AFAP1L2: variants seen among roughly 807,000 people sequenced by gnomAD.
AFAP1L2 encodes actin filament-associated protein 1-like 2.
AFAP1L2 carries 46 observed loss-of-function variants against 99.3 expected under a neutral mutation model. The ratio of observed to expected loss-of-function variants is 0.46; its 90% CI spans 0.37 to 0.59. AFAP1L2 has a LOEUF of 0.59. Among genes scored for constraint, AFAP1L2 ranks in the 20% least tolerant of loss-of-function variants. The pLI is 0.00. For missense variants in AFAP1L2, 959 were observed against 1,034.9 expected, an observed-to-expected ratio of 0.93 and a Z score of 1.01; for synonymous variants, 397 against 419.1, an observed-to-expected ratio of 0.95 and a Z score of 0.64.
chr10:114,404,469 T>G lies in AFAP1L2; in HGVS notation c.-14A>C. The G allele has an allele frequency of 3.3e-6, 5 of 1,537,772 alleles. No homozygotes were observed. In the South Asian group the frequency reaches 6.0e-5, roughly 18 times the overall value. The stretch of plus-strand genomic sequence containing the variant: ...GTACCGCTCCATCGGGGCCACGGAG[T>G]GCGCTCCTCGCGGCTCGGCTTCTGC... On this transcript the variant is annotated 5_prime_UTR_variant, in exon 1 of 19. Coordinates refer to ENST00000304129, the MANE Select transcript of AFAP1L2 (RefSeq NM_001001936.3).
the AFAP1L2 span, chr10:114,285,114 T>C: frequency 6.6e-6 from 4 of 610,030 alleles, no homozygotes; most frequent in Non-Finnish European, 1.1e-5. Flanking sequence ...GGTCTGCAGT[T>C]CACGTGGTGC....
At chr10:114,403,335 A>G (rs774640992) in intron 1 of AFAP1L2, among the ~76,000 whole-genome samples, 2 of 152,206 alleles carry the variant, frequency 1.3e-5, no homozygotes, top group Non-Finnish European at 2.9e-5. Context: ...AGTGAAAGAC[A>G]AGACTACTTT....
chr10:114,315,792 G>C, intron 5 of AFAP1L2, 27 bp from the exon 6 acceptor site: 2 of 1,588,182 alleles, frequency 1.3e-6, no homozygotes, highest in Non-Finnish European at 8.6e-7. Flanking sequence ...CTCGGTCAGG[G>C]CCCCATGGGG....
intron 12 of AFAP1L2, chr10:114,302,082 G>A (rs758407025): frequency 4.4e-5 from 21 of 481,526 alleles, no homozygotes; most frequent in Non-Finnish European, 4.9e-5. Flanking sequence ...TGGAGGAGCT[G>A]GAGAGTCTAA....
the AFAP1L2 span, among the ~76,000 whole-genome samples, chr10:114,284,549 C>T: frequency 1.3e-5 from 2 of 152,212 alleles, no homozygotes; most frequent in African/African-American, 4.8e-5. Context: ...GCAGCTCTCT[C>T]TCAGTCTTGA....
Position 114,340,293 on chromosome 10 carries a change from C to A in AFAP1L2, c.145+310G>T, listed in dbSNP as rs553822747. ...CATGATCGCGCCACTGCACTCCAGA[C>A]TGGGTGACAGAGTGAGCCCCTGCTT... On this transcript the variant is annotated intron_variant, in intron 2 of 18. Transcript: ENST00000304129. Among the ~76,000 whole-genome samples the A allele has an allele frequency of 7.9e-5, 12 of 152,218 alleles. No homozygotes were observed. The South Asian group carries it at 2.3e-3, about 29-fold the overall frequency.
intron 1 of AFAP1L2, among the ~76,000 whole-genome samples, chr10:114,348,504 A>T (rs758904528): frequency 6.6e-6 from 1 of 152,186 alleles, no homozygotes; most frequent in Non-Finnish European, 1.5e-5. Flanking sequence ...TTCTTGCTAC[A>T]TAGCATTCCA....
chr10:114,291,384 C>T (rs1208287647), downstream of AFAP1L2: 4 of 909,542 alleles, frequency 4.4e-6, no homozygotes, highest in African/African-American at 5.1e-5. Flanking sequence ...GCCAGGACCA[C>T]TATTCTCACT....
chr10:114,324,037 C>G (rs182938731), intron 4 of AFAP1L2, among the ~76,000 whole-genome samples: 83 of 152,320 alleles, frequency 5.4e-4, no homozygotes, highest in African/African-American at 1.9e-3. Flanking sequence ...ATAAAAAACA[C>G]CTGCAACTGT....
chr10:114,335,998 C>CA (rs75325333), intron 2 of AFAP1L2, among the ~76,000 whole-genome samples: 103,258 of 152,034 alleles, frequency 0.68, 38,257 homozygotes, highest in East Asian at 0.92. Flanking sequence ...CATACCTATA[C>CA]AAAAAATAAA....
chr10:114,343,425 C>T (rs930294796), intron 1 of AFAP1L2, among the ~76,000 whole-genome samples: 3 of 152,230 alleles, frequency 2.0e-5, no homozygotes, highest in African/African-American at 7.2e-5. Flanking sequence ...GTCAGTGGCT[C>T]AGGAGAAACA....
At chr10:114,311,069 C>T (rs986681470) in intron 7 of AFAP1L2, among the ~76,000 whole-genome samples, 3 of 149,228 alleles carry the variant, frequency 2.0e-5, no homozygotes, top group South Asian at 2.1e-4. Flanking sequence ...CTTCTGAAAG[C>T]GTTCTTGTCT....
Position 114,379,299 on chromosome 10 carries a change from G to A in AFAP1L2, c.16+25141C>T, listed in dbSNP as rs975980774. On this transcript the variant is annotated intron_variant, in intron 1 of 18. Coordinates refer to ENST00000304129, the MANE Select transcript of AFAP1L2 (RefSeq NM_001001936.3). ...AGAGCCCCAGACCTGTCAACCATAA[G>A]AAAGCACCTGCCCTGTTCCAGGCTA... is the stretch of plus-strand genomic sequence containing the variant. 2.6e-5 allele frequency among the ~76,000 whole-genome samples: 4 copies of A among 151,542 alleles called. No homozygotes were observed. In the East Asian group the frequency reaches 5.9e-4, roughly 22 times the overall value.
chr10:114,295,799 C>T lies in AFAP1L2; in HGVS notation c.*243G>A. The T allele has an allele frequency of 7.7e-7, 1 of 1,291,464 alleles. No homozygotes were observed. The allele number at this position is 1,291,464 out of a possible 1,614,324, so 80.0% of individuals were successfully genotyped here. On this transcript the variant is annotated 3_prime_UTR_variant, in exon 19 of 19. Coordinates refer to ENST00000304129, the MANE Select transcript of AFAP1L2 (RefSeq NM_001001936.3). ...AAGAAACACAGAACATCCCTAAATA[C>T]AACGTCTTGTTTACATCCAATAGAC...
At chr10:114,302,549 CA>C in intron 11 of AFAP1L2, 65 bp from the exon 12 acceptor site, 1 of 1,601,208 alleles carries the variant, frequency 6.2e-7, no homozygotes, top group Non-Finnish European at 8.5e-7. Context: ...AGCCCCTCCC[CA>C]CCAGGCCATG....
At chr10:114,330,348 G>T (rs758381241) in intron 4 of AFAP1L2, among the ~76,000 whole-genome samples, 1 of 152,138 alleles carries the variant, frequency 6.6e-6, no homozygotes, top group African/African-American at 2.4e-5. Flanking sequence ...AGACCCCCTG[G>T]CTACCCACAT....
intron 1 of AFAP1L2, among the ~76,000 whole-genome samples, chr10:114,342,642 G>T (rs1035404895): frequency 7.2e-5 from 11 of 152,152 alleles, no homozygotes; most frequent in Admixed American, 5.9e-4. Flanking sequence ...ATGGAGGAAG[G>T]GACCATGAGC....
chr10:114,326,037 T>C (rs1267023834), intron 4 of AFAP1L2: 1 of 1,286,230 alleles, frequency 7.8e-7, no homozygotes, highest in Non-Finnish European at 1.0e-6. Flanking sequence ...AAGGTCAGGA[T>C]TCTCTAGAGT....
intron 12 of AFAP1L2, chr10:114,301,761 T>C: frequency 2.4e-6 from 1 of 420,840 alleles, no homozygotes; most frequent in South Asian, 3.4e-5. Flanking sequence ...CCTTCTAGGA[T>C]CTCCTTCCAG....
Sources: gnomAD v4.1 joint callset for allele counts (sites outside exome capture counted in the v4.1 genomes callset) on GRCh38, gnomAD v4.1.1 for gene constraint, MANE v1.5 for transcripts, NCBI Gene and HGNC (gene_info 2026-07-23, HGNC 2026-07-21) for gene names.